Variants in NRG4 observed in about 807,000 individuals in gnomAD.
NRG4 encodes neuregulin 4.
In NRG4, 10 loss-of-function variants were observed where a neutral mutation model predicts 15.0. The observed-to-expected ratio is 0.67, with a 90% confidence interval of 0.41 to 1.13. The LOEUF (loss-of-function observed/expected upper bound fraction) is 1.13, where lower values mean the gene tolerates loss of function less well. NRG4 is among the 50% of genes most tolerant of loss of function. NRG4 has a pLI of 0.00. For synonymous variants in NRG4, 41 were observed against 50.1 expected, an observed-to-expected ratio of 0.82 and a Z score of 0.77; for missense variants, 139 against 140.2, an observed-to-expected ratio of 0.99 and a Z score of 0.04.
chr15:76,048,886 A>G lies in NRG4; in HGVS notation c.-105+3181T>C, dbSNP rs183917238. ...ATAGTAAAACCCCGTCTCTAATAAA[A>G]ATACAAAAATTAGCCGGGCACGGTG... On this transcript the variant is annotated intron_variant, in intron 4 of 8. Transcript: ENST00000563910. 3.1e-4 allele frequency among the ~76,000 whole-genome samples: 47 copies of G among 150,594 alleles called. No homozygotes were observed. In the East Asian group the frequency reaches 8.7e-3, roughly 28 times the overall value.
At chr15:75,964,907 G>C (rs1410732716) in intron 3 of NRG4, among the ~76,000 whole-genome samples, 2 of 151,934 alleles carry the variant, frequency 1.3e-5, no homozygotes, top group African/African-American at 4.8e-5. Context: ...GAGCAACAGA[G>C]TGAGAGGCTA....
chr15:76,058,919 T>C (rs2036222582), intron 1 of NRG4, among the ~76,000 whole-genome samples: 1 of 152,158 alleles, frequency 6.6e-6, no homozygotes, highest in Admixed American at 6.5e-5. Context: ...GACTTTTTTT[T>C]TAACCACAGA....
intron 5 of NRG4, among the ~76,000 whole-genome samples, chr15:76,029,170 T>C (rs1301338599): frequency 6.6e-6 from 1 of 152,162 alleles, no homozygotes; most frequent in Non-Finnish European, 1.5e-5. Flanking sequence ...ATATGATACA[T>C]TATAATCAAC....
chr15:75,991,290 G>T (rs79950067), intron 3 of NRG4, among the ~76,000 whole-genome samples: 5,817 of 152,128 alleles, frequency 0.038, 374 homozygotes, highest in African/African-American at 0.13. Flanking sequence ...TGTTCCTATA[G>T]AATTTTAATT....
chr15:76,020,899 T>C (rs1359127408), intron 5 of NRG4, among the ~76,000 whole-genome samples: 1 of 152,224 alleles, frequency 6.6e-6, no homozygotes, highest in Non-Finnish European at 1.5e-5. Context: ...CAAGCGCTAA[T>C]GTAGAAGCTG....
chr15:76,021,387 T>C (rs1340927044), intron 5 of NRG4, among the ~76,000 whole-genome samples: 2 of 152,256 alleles, frequency 1.3e-5, no homozygotes, highest in African/African-American at 2.4e-5. Context: ...ATAATGCTAC[T>C]GCATACCTAA....
intron 1 of NRG4, among the ~76,000 whole-genome samples, chr15:76,059,074 G>T (rs1053667354): frequency 4.6e-5 from 7 of 152,160 alleles, no homozygotes; most frequent in Non-Finnish European, 1.0e-4. Flanking sequence ...ATCAAGCACG[G>T]ATAACACATA....
chr15:76,024,304 A>G (rs2035243594), intron 5 of NRG4, among the ~76,000 whole-genome samples: 1 of 152,142 alleles, frequency 6.6e-6, no homozygotes, highest in Non-Finnish European at 1.5e-5. Flanking sequence ...CTGTGTACCC[A>G]AGTCCTGGCC....
At chr15:76,030,831 A>T (rs896666657) in intron 5 of NRG4, among the ~76,000 whole-genome samples, 1 of 152,222 alleles carries the variant, frequency 6.6e-6, no homozygotes, top group Non-Finnish European at 1.5e-5. Context: ...AAAAGAGATA[A>T]CATTATACAC....
intron 1 of NRG4, among the ~76,000 whole-genome samples, chr15:76,058,459 G>C (rs2036208681): frequency 6.6e-6 from 1 of 152,140 alleles, no homozygotes; most frequent in South Asian, 2.1e-4. Flanking sequence ...TCCCTGTATA[G>C]ATATTCCCGT....
At chr15:76,007,948 C>T (rs1172226566) in intron 3 of NRG4, among the ~76,000 whole-genome samples, 1 of 152,072 alleles carries the variant, frequency 6.6e-6, no homozygotes, top group Non-Finnish European at 1.5e-5. Context: ...CTAAGGTCTC[C>T]CCTGCCTCCT....
At chr15:76,056,508 A>T (rs1335434485) in intron 2 of NRG4, among the ~76,000 whole-genome samples, 2 of 151,880 alleles carry the variant, frequency 1.3e-5, no homozygotes. Flanking sequence ...AAAAAATAAA[A>T]AACGACTTAG....
chr15:76,026,861 G>A (rs1028591810), intron 5 of NRG4, among the ~76,000 whole-genome samples: 5 of 152,156 alleles, frequency 3.3e-5, no homozygotes, highest in African/African-American at 7.2e-5. Flanking sequence ...GGTGGCTCAC[G>A]CCTGTAATCC....
upstream of NRG4, among the ~76,000 whole-genome samples, chr15:76,016,204 A>G (rs968514729): frequency 4.6e-5 from 7 of 151,956 alleles, no homozygotes; most frequent in Non-Finnish European, 7.4e-5. Context: ...CCCCTTTATC[A>G]TTTTTTATTG....
At chr15:76,049,797 G>A (rs1031161003) in intron 4 of NRG4, among the ~76,000 whole-genome samples, 6 of 150,460 alleles carry the variant, frequency 4.0e-5, no homozygotes, top group African/African-American at 7.5e-5. Context: ...CCCACATTTC[G>A]GGGAACTATT....
chr15:76,051,051 G>C (rs1412516382), intron 4 of NRG4, among the ~76,000 whole-genome samples: 1 of 148,506 alleles, frequency 6.7e-6, no homozygotes. Context: ...TGTCGCCCAG[G>C]CTGGAGTGCA....
intron 3 of NRG4, among the ~76,000 whole-genome samples, chr15:75,973,134 T>C (rs1350542481): frequency 1.3e-5 from 2 of 152,184 alleles, no homozygotes; most frequent in Non-Finnish European, 2.9e-5. Context: ...TTAGTAGCAA[T>C]TGTGAATGGG....
intron 5 of NRG4, among the ~76,000 whole-genome samples, chr15:75,947,485 T>C (rs1383616220): frequency 6.6e-6 from 1 of 152,208 alleles, no homozygotes; most frequent in Non-Finnish European, 1.5e-5. Context: ...ATATTCTTTC[T>C]CCTTTGCAAT....
intron 3 of NRG4, among the ~76,000 whole-genome samples, chr15:75,982,032 T>G (rs1402804202): frequency 1.3e-5 from 2 of 152,156 alleles, no homozygotes; most frequent in African/African-American, 2.4e-5. Context: ...GAACTATTGC[T>G]AAGAAAACCT....
Sources: gnomAD v4.1 joint callset for allele counts (sites outside exome capture counted in the v4.1 genomes callset) on GRCh38, gnomAD v4.1.1 for gene constraint, MANE v1.5 for transcripts, NCBI Gene and HGNC (gene_info 2026-07-23, HGNC 2026-07-21) for gene names.